The following GDA variants were observed in gnomAD, a reference collection of about 807,000 sequenced individuals.
The protein encoded by GDA is cytoplasmic PSD-95 interactor.
GDA carries 18 observed loss-of-function variants against 59.6 expected under a neutral mutation model. That is an observed-to-expected ratio of 0.30 (90% CI 0.21 to 0.45). GDA has a LOEUF of 0.45. Among genes scored for constraint, GDA ranks in the 20% least tolerant of loss-of-function variants. The pLI is 1.00. For synonymous variants in GDA, 201 were observed against 201.1 expected (o/e 1.00, Z 0.00); for missense variants, 427 against 552.3 (o/e 0.77, Z 2.27).
Position 72,251,268 on chromosome 9 carries a change from G to A in GDA, c.*2926G>A, listed in dbSNP as rs188454903. 6.3e-6 allele frequency: 1 copy of A among 157,946 alleles called. No homozygotes were observed. Among genetic ancestry groups the A allele is most frequent in the East Asian group, 1.9e-4 (1 of 5,334 alleles). 9.8% of individuals were successfully genotyped at this position (157,946 alleles called of 1,614,324 possible). ...TATCCCCATTGGCAACTGCAGCTGA[G>A]ATCTTAGAGAGGAAATATAACCGGT... On this transcript the variant is annotated 3_prime_UTR_variant, in exon 14 of 14. Transcript: ENST00000358399.
At chr9:72,118,446 G>T (rs377067147) in intron 1 of GDA, among the ~76,000 whole-genome samples, 1 of 151,994 alleles carries the variant, frequency 6.6e-6, no homozygotes, top group South Asian at 2.1e-4. Context: ...TGCTATAAAG[G>T]CAAGCGAACT....
chr9:72,238,134 A>G (rs1839225452), intron 10 of GDA, among the ~76,000 whole-genome samples: 2 of 152,204 alleles, frequency 1.3e-5, no homozygotes, highest in South Asian at 2.1e-4. Flanking sequence ...CTCATCTCAC[A>G]CTACTCTCTC....
At chr9:72,174,265 T>A (rs1830306281) in intron 1 of GDA, among the ~76,000 whole-genome samples, 1 of 152,224 alleles carries the variant, frequency 6.6e-6, no homozygotes, top group East Asian at 1.9e-4. Flanking sequence ...GGGATTTTGC[T>A]GTCTAATAGG....
intron 1 of GDA, among the ~76,000 whole-genome samples, chr9:72,163,594 G>A (rs1421629962): frequency 1.3e-5 from 2 of 151,690 alleles, no homozygotes; most frequent in African/African-American, 4.8e-5. Context: ...CCGGGTTCAC[G>A]CCATTCTCCT....
downstream of GDA, chr9:72,253,487 C>G (rs1448956915): frequency 1.3e-5 from 2 of 152,132 alleles, no homozygotes; most frequent in East Asian, 3.9e-4. Context: ...TGAGCTTTGA[C>G]AGACCTGCCA....
chr9:72,173,577 C>T (rs949588780), intron 1 of GDA, among the ~76,000 whole-genome samples: 2 of 151,930 alleles, frequency 1.3e-5, no homozygotes, highest in East Asian at 1.9e-4. Flanking sequence ...GTGATCCAAC[C>T]GCCTCAGCCT....
At chr9:72,186,831 A>T (rs1269141718) in intron 1 of GDA, among the ~76,000 whole-genome samples, 1 of 151,974 alleles carries the variant, frequency 6.6e-6, no homozygotes, top group East Asian at 1.9e-4. Context: ...AGTCCTACCA[A>T]CCACTGTCCA....
At chr9:72,193,478 GTC>G (rs1318961526) in intron 1 of GDA, among the ~76,000 whole-genome samples, 1 of 152,222 alleles carries the variant, frequency 6.6e-6, no homozygotes, top group African/African-American at 2.4e-5. Context: ...CTCCCAAACA[GTC>G]TCTCTCTCTG....
intron 1 of GDA, among the ~76,000 whole-genome samples, chr9:72,160,036 A>G (rs184626830): frequency 1.3e-5 from 2 of 152,204 alleles, no homozygotes; most frequent in South Asian, 4.1e-4. Context: ...GCGGTGGCTC[A>G]TGCCTATAAT....
chr9:72,137,209 A>AT (rs1826258966), intron 1 of GDA, among the ~76,000 whole-genome samples: 1 of 63,824 alleles, frequency 1.6e-5, no homozygotes, highest in African/African-American at 4.9e-5. Context: ...AATAAATTAA[A>AT]AAAAAAAAAA....
chr9:72,204,779 T>C (rs1834464193), intron 3 of GDA, among the ~76,000 whole-genome samples: 1 of 152,190 alleles, frequency 6.6e-6, no homozygotes, highest in African/African-American at 2.4e-5. Context: ...AAATTATTTC[T>C]GACATCAGAG....
chr9:72,176,213 T>C lies in GDA; in HGVS notation c.124-19287T>C, dbSNP rs139676551. Reference sequence around the variant, plus strand: ...AGTGTTAGCTGTTGGCAGGAATCCTTGGTTTCTTGCCACAAGAGCTTCTCT... The same window carrying C: ...AGTGTTAGCTGTTGGCAGGAATCCTCGGTTTCTTGCCACAAGAGCTTCTCT... On this transcript the variant is annotated intron_variant, in intron 1 of 13. Transcript: ENST00000358399. Among the ~76,000 whole-genome samples the C allele has an allele frequency of 2.4e-3, 371 of 152,298 alleles. 1 individual carries two copies. Among genetic ancestry groups the C allele is most frequent in the Non-Finnish European group, 2.7e-3 (183 of 68,006 alleles).
At chr9:72,206,785 A>C (rs954638440) in intron 3 of GDA, among the ~76,000 whole-genome samples, 4 of 151,714 alleles carry the variant, frequency 2.6e-5, no homozygotes, top group Non-Finnish European at 5.9e-5. Flanking sequence ...AATAATAATT[A>C]TTATAATTAT....
intron 1 of GDA, among the ~76,000 whole-genome samples, chr9:72,170,161 G>T (rs184112526): frequency 5.3e-5 from 8 of 152,124 alleles, no homozygotes; most frequent in Non-Finnish European, 2.9e-5. Context: ...AATTAGACCC[G>T]CAGATTTGAT....
Position 72,249,148 on chromosome 9 carries a change from T to C in GDA, c.*806T>C. 1.0e-6 allele frequency: 1 copy of C among 980,818 alleles called. No individual in the cohort carries two copies. Among genetic ancestry groups the C allele is most frequent in the Non-Finnish European group, 1.2e-6 (1 of 825,540 alleles). The allele number at this position is 980,818 out of a possible 1,614,324, so 60.8% of individuals were successfully genotyped here. A position where few individuals can be genotyped will look rare whatever the true frequency, so the allele number is the denominator to read the frequency against. ...TTAAAATCAACTTATAACTGTGAGA[T>C]GTTATTGCTTCCATTTTATTAGAAG... On this transcript the variant is annotated 3_prime_UTR_variant, in exon 14 of 14. Coordinates refer to ENST00000358399, the MANE Select transcript of GDA (RefSeq NM_004293.5).
At chr9:72,123,482 C>CTT (rs11357949) in intron 1 of GDA, among the ~76,000 whole-genome samples, 91 of 76,630 alleles carry the variant, frequency 1.2e-3, no homozygotes, top group East Asian at 2.1e-3. Flanking sequence ...CATGCCCGGC[C>CTT]TTTTTTTTTT....
chr9:72,202,816 A>C lies in GDA; in HGVS notation c.384+74A>C, dbSNP rs1439752809. ...AATATCAGTTTCCTAGGACAGATTT[A>C]AATTATAAAGCATAAGCAGTTAAGC... On this transcript the variant is annotated intron_variant, in intron 3 of 13. Transcript: ENST00000358399. The C allele has an allele frequency of 2.5e-6, 3 of 1,184,648 alleles. No homozygotes were observed. In the African/African-American group the frequency reaches 4.6e-5, roughly 18 times the overall value. The allele number at this position is 1,184,648 out of a possible 1,614,324, so 73.4% of individuals were successfully genotyped here.
At chr9:72,123,946 G>A (rs1349450406) in intron 1 of GDA, among the ~76,000 whole-genome samples, 1 of 152,162 alleles carries the variant, frequency 6.6e-6, no homozygotes, top group Non-Finnish European at 1.5e-5. Context: ...TTAAGTAGAA[G>A]AGGTCCAAAG....
At chr9:72,181,860 T>C (rs763455685) in intron 1 of GDA, among the ~76,000 whole-genome samples, 26 of 152,180 alleles carry the variant, frequency 1.7e-4, no homozygotes, top group Non-Finnish European at 3.4e-4. Flanking sequence ...AGTTTTTCAG[T>C]TAAAATTTTT....
Sources: allele counts gnomAD v4.1 joint callset (sites outside exome capture counted in the v4.1 genomes callset), GRCh38; gene constraint gnomAD v4.1.1; transcripts MANE v1.5; gene names NCBI Gene and HGNC (gene_info 2026-07-23, HGNC 2026-07-21).